Variants in HRH1 observed in about 807,000 individuals in gnomAD.
HRH1 encodes histamine receptor H1.
Under a neutral mutation model 10.3 loss-of-function variants are expected in HRH1, and 6 were observed. The ratio of observed to expected loss-of-function variants is 0.58; its 90% CI spans 0.32 to 1.15. The LOEUF (loss-of-function observed/expected upper bound fraction) is 1.15, where lower values mean the gene tolerates loss of function less well. Ranked by LOEUF, HRH1 falls within the 50% of genes most tolerant of loss-of-function variation. The probability of loss-of-function intolerance (pLI) is 0.05; values close to 1 mark genes in which losing one functional copy is unlikely to be tolerated. For missense variants in HRH1, 514 were observed against 615.3 expected (o/e 0.84, Z 1.74); for synonymous variants, 242 against 236.7 (o/e 1.02, Z -0.21).
chr3:11,137,777 A>G (rs1329162692), intron 1 of HRH1, among the ~76,000 whole-genome samples: 1 of 152,142 alleles, frequency 6.6e-6, no homozygotes, highest in Admixed American at 6.5e-5. Context: ...CGCCTGGCAC[A>G]TAGCAGGCCA....
chr3:11,228,364 G>T (rs756062934), intron 1 of HRH1, among the ~76,000 whole-genome samples: 2 of 152,146 alleles, frequency 1.3e-5, no homozygotes, highest in Non-Finnish European at 2.9e-5. Flanking sequence ...CTGGGCAACA[G>T]AACGAGAACC....
In HRH1 at chr3:11,261,706, G is replaced by C. The variant is rs201652926; in HGVS notation, c.*1205G>C. The stretch of plus-strand genomic sequence containing the variant: ...ACAAAAATTATCTGGGCATGGTGGG[G>C]CATGCCTGTAGTCCCACTTACTTGG... On this transcript the variant is annotated 3_prime_UTR_variant, in exon 2 of 2. Transcript: ENST00000431010. 1.3e-5 allele frequency: 2 copies of C among 155,744 alleles called. No homozygotes were observed. Among genetic ancestry groups the C allele is most frequent in the Non-Finnish European group, 2.9e-5 (2 of 68,098 alleles). 9.6% of individuals were successfully genotyped at this position (155,744 alleles called of 1,614,324 possible). A position where few individuals can be genotyped will look rare whatever the true frequency, so the allele number is the denominator to read the frequency against.
rs1180959305 is a variant in HRH1, at chr3:11,226,273, A to G, written c.-35-32730A>G. 2.0e-5 allele frequency: 3 copies of G among 152,178 alleles called. No individual in the cohort carries two copies. In the East Asian group the frequency reaches 5.8e-4, roughly 29 times the overall value. The allele number at this position is 152,178 out of a possible 1,614,324, so 9.4% of individuals were successfully genotyped here. On this transcript the variant is annotated intron_variant, in intron 1 of 1. Coordinates refer to ENST00000431010, the MANE Select transcript of HRH1 (RefSeq NM_001098212.2). ...TGCCAGGCTGATTAGAGTAATGAGT[A>G]AAGAAAAGAGGGCACTGGGAAAGCT...
At chr3:11,213,617 G>A (rs888629489) in intron 1 of HRH1, among the ~76,000 whole-genome samples, 3 of 152,222 alleles carry the variant, frequency 2.0e-5, no homozygotes, top group African/African-American at 7.2e-5. Context: ...AAGGGACAAT[G>A]TGTTCTCACA....
chr3:11,173,892 T>G (rs951524037), intron 1 of HRH1, among the ~76,000 whole-genome samples: 5 of 152,200 alleles, frequency 3.3e-5, no homozygotes, highest in African/African-American at 1.2e-4. Flanking sequence ...TAAAGAGTTG[T>G]GTTTCAGCCT....
At chr3:11,240,963 T>A (rs570834357) in intron 1 of HRH1, among the ~76,000 whole-genome samples, 1 of 152,288 alleles carries the variant, frequency 6.6e-6, no homozygotes, top group East Asian at 1.9e-4. Context: ...TTAGAATGAA[T>A]CAAGAAAGGA....
At chr3:11,179,157 G>T (rs113314655) in intron 1 of HRH1, among the ~76,000 whole-genome samples, 3 of 151,906 alleles carry the variant, frequency 2.0e-5, no homozygotes, top group Admixed American at 2.0e-4. Flanking sequence ...GCGTGGTGGC[G>T]CACGCCTATA....
intron 1 of HRH1, among the ~76,000 whole-genome samples, chr3:11,182,385 C>T (rs966555820): frequency 1.3e-5 from 2 of 152,192 alleles, no homozygotes; most frequent in East Asian, 1.9e-4. Context: ...ATACAAAGTA[C>T]GTAATGGGCC....
In HRH1 at chr3:11,262,041, A is replaced by G. The variant is rs775484749; in HGVS notation, c.*1540A>G. 3 of 167,080 alleles carry G rather than the reference A, an allele frequency of 1.8e-5. No individual in the cohort carries two copies. The highest frequency in any genetic ancestry group is 6.5e-5 in the Admixed American group (1 of 15,276). The allele number at this position is 167,080 out of a possible 1,614,324, so 10.3% of individuals were successfully genotyped here. A position where few individuals can be genotyped will look rare whatever the true frequency, so the allele number is the denominator to read the frequency against. ...TCTGTGAGTTCTGTTGTGTTTGTCA[A>G]AAAGTCATTGTAATCTTTCATAGCC... On this transcript the variant is annotated 3_prime_UTR_variant, in exon 2 of 2. Transcript: ENST00000431010.
At chr3:11,191,575 T>G (rs1214224554) in intron 1 of HRH1, among the ~76,000 whole-genome samples, 8 of 152,178 alleles carry the variant, frequency 5.3e-5, no homozygotes, top group Admixed American at 5.2e-4. Context: ...GACCTTCATA[T>G]GCACCCCCCA....
chr3:11,157,691 A>T (rs887974169), intron 1 of HRH1, among the ~76,000 whole-genome samples: 1 of 152,230 alleles, frequency 6.6e-6, no homozygotes, highest in Non-Finnish European at 1.5e-5. Flanking sequence ...CAGGGGGATC[A>T]CATGGGCCAG....
rs187192330 is a variant in HRH1 at position 11,263,345 on chromosome 3, A to G, written c.*2844A>G. 1.5e-4 allele frequency: 25 copies of G among 167,208 alleles called. No homozygotes were observed. The highest frequency in any genetic ancestry group is 5.3e-4 in the African/African-American group (22 of 41,574). 10.4% of individuals were successfully genotyped at this position (167,208 alleles called of 1,614,324 possible). Reference sequence around the variant, plus strand: ...TTTAATAGTCTTAACTCAGCATGAAAAAGATGCTGGGATGCTCCTGGCTAT... The same window carrying G: ...TTTAATAGTCTTAACTCAGCATGAAGAAGATGCTGGGATGCTCCTGGCTAT... On this transcript the variant is annotated 3_prime_UTR_variant, in exon 2 of 2. Coordinates refer to ENST00000431010, the MANE Select transcript of HRH1 (RefSeq NM_001098212.2).
At chr3:11,168,835 G>A (rs758282573) in intron 1 of HRH1, among the ~76,000 whole-genome samples, 4 of 152,236 alleles carry the variant, frequency 2.6e-5, no homozygotes, top group Admixed American at 6.5e-5. Context: ...CCAGGAACCC[G>A]GGAGTGATGT....
intron 1 of HRH1, among the ~76,000 whole-genome samples, chr3:11,241,560 A>G (rs751526295): frequency 1.3e-5 from 2 of 152,132 alleles, no homozygotes; most frequent in African/African-American, 4.8e-5. Context: ...CAGGCTGGGC[A>G]CGGTGGCTCA....
intron 1 of HRH1, among the ~76,000 whole-genome samples, chr3:11,213,704 G>A (rs1938401593): frequency 2.0e-5 from 3 of 152,190 alleles, no homozygotes; most frequent in African/African-American, 4.8e-5. Flanking sequence ...CACGAGGGTG[G>A]AGCCCTCATA....
At chr3:11,163,756 A>G (rs1936973417) in intron 1 of HRH1, among the ~76,000 whole-genome samples, 1 of 152,200 alleles carries the variant, frequency 6.6e-6, no homozygotes, top group South Asian at 2.1e-4. Flanking sequence ...CTAAGATTAT[A>G]TGTGTTCTCA....
intron 1 of HRH1, among the ~76,000 whole-genome samples, chr3:11,209,579 A>G (rs564262594): frequency 6.6e-5 from 10 of 152,360 alleles, no homozygotes; most frequent in African/African-American, 2.2e-4. Flanking sequence ...TCAGGCTGCT[A>G]TATATAACAA....
intron 1 of HRH1, among the ~76,000 whole-genome samples, chr3:11,248,941 C>T (rs1016807378): frequency 6.6e-6 from 1 of 152,218 alleles, no homozygotes; most frequent in African/African-American, 2.4e-5. Context: ...GCCTAACAGT[C>T]GCTTTTATTT....
chr3:11,138,068 T>C (rs1213488128), intron 1 of HRH1, among the ~76,000 whole-genome samples: 1 of 151,642 alleles, frequency 6.6e-6, no homozygotes, highest in Non-Finnish European at 1.5e-5. Flanking sequence ...CAGGCTGGAG[T>C]GGAGTGTCGT....
Sources: allele counts gnomAD v4.1 joint callset (sites outside exome capture counted in the v4.1 genomes callset), GRCh38; gene constraint gnomAD v4.1.1; transcripts MANE v1.5; gene names NCBI Gene and HGNC (gene_info 2026-07-23, HGNC 2026-07-21).